Variants in ZNF839 observed in about 807,000 individuals in gnomAD.
The protein encoded by ZNF839 is renal carcinoma antigen NY-REN-50.
Under a neutral mutation model 56.4 loss-of-function variants are expected in ZNF839, and 38 were observed. The observed-to-expected ratio is 0.67, with a 90% CI of 0.52 to 0.88. The LOEUF (loss-of-function observed/expected upper bound fraction) is 0.88, where lower values mean the gene tolerates loss of function less well. Among genes scored for constraint, ZNF839 ranks in the 40% least tolerant of loss-of-function variants. ZNF839 has a pLI of 0.00. For synonymous variants in ZNF839, 486 were observed against 493.5 expected, an observed-to-expected ratio of 0.98 and a Z score of 0.20; for missense variants, 1,091 against 1,177.6, an observed-to-expected ratio of 0.93 and a Z score of 1.08.
In ZNF839 at chr14:102,331,624, T is replaced by G. The variant is rs755471889; in HGVS notation, c.1194T>G (p.Asn398Lys). 6.2e-7 allele frequency: 1 copy of G among 1,609,116 alleles called. No individual in the cohort carries two copies. The highest frequency in any genetic ancestry group is 8.5e-7 in the Non-Finnish European group (1 of 1,177,566). ...TTTGGGTGTGCAACACTGTCTAGAA[T>G]GGTCAGTCTGTAGACGTTGAAGAGA... is the stretch of plus-strand genomic sequence containing the variant. The part of the protein sequence containing the change: ...VTESARGGLQ[N>K]GQSVDVEETL... Residue 398 changes from asparagine (N) to lysine (K), a missense_variant and splice_region_variant, in exon 3 of 8, where the codon AAT (asparagine) becomes AAG (lysine). Physicochemically the swap from Asn to Lys is moderately conservative, Grantham distance 94 (BLOSUM62 0). This residue lies in a region of ZNF839 where 614 missense variants were observed against 629.2 expected (regional missense o/e 0.98). Coordinates refer to ENST00000442396, the MANE Select transcript of ZNF839 (RefSeq NM_018335.6).
rs760557701 is a variant in ZNF839 at position 102,326,790 on chromosome 14, T to G, written c.1094T>G (p.Leu365Arg). Residue 365 changes from leucine to arginine, a missense_variant, in exon 2 of 8, where the codon CTC becomes CGC. Coordinates refer to ENST00000442396, the MANE Select transcript of ZNF839 (RefSeq NM_018335.6). This position sits in a 1 kb window ranked among gnomAD's most constrained non-coding sequence, Gnocchi z 4.3. ...CGGGGGTGCACGGAGGAAAGGACGC[T>G]CAGCCTGACCTCCCTGGGGCTGTCC... ...TLRGCTEERT[L>R]SLTSLGLSMP... 6.2e-7 allele frequency: 1 copy of G among 1,612,354 alleles called. No individual in the cohort carries two copies. Among genetic ancestry groups the G allele is most frequent in the South Asian group, 1.1e-5 (1 of 90,712 alleles).
At chr14:102,331,899 G>A (rs2073804794) in intron 3 of ZNF839, 53 bp downstream of exon 3, 2 of 1,420,226 alleles carry the variant, frequency 1.4e-6, no homozygotes, top group Non-Finnish European at 1.9e-6. Flanking sequence ...GCATGGATGT[G>A]GCAATCACTA....
Position 102,326,822 on chromosome 14 carries a change from G to T in ZNF839, c.1126G>T (p.Ala376Ser), listed in dbSNP as rs770155795. ...GACCTCCCTGGGGCTGTCCATGCCA[G>T]CGGATCCATGTGAGGGAGGGGCCCG... ...SLTSLGLSMP[A>S]DPCEGGARSC... is the part of the protein sequence containing the mutation. Residue 376 changes from alanine (A) to serine (S), a missense_variant, in exon 2 of 8, where the codon GCG becomes TCG. Physicochemically the swap from Ala to Ser is moderately conservative, Grantham distance 99. Coordinates refer to ENST00000442396, the MANE Select transcript of ZNF839 (RefSeq NM_018335.6). The surrounding 1 kb of genome is among the most constrained non-coding windows in gnomAD (Gnocchi z 4.3). 1 of 1,611,376 alleles carries T rather than the reference G, an allele frequency of 6.2e-7. No individual in the cohort carries two copies. The highest frequency in any genetic ancestry group is 1.7e-5 in the Admixed American group (1 of 59,594).
At chr14:102,336,192 CAAAA>C (rs200609836) in intron 5 of ZNF839, among the ~76,000 whole-genome samples, 4 of 123,764 alleles carry the variant, frequency 3.2e-5, no homozygotes, top group African/African-American at 1.2e-4. Context: ...AAAACAAAAC[CAAAA>C]AAAAAAAAAA....
rs1567301360 is a variant in ZNF839, at chr14:102,342,199, T to C, written c.*20T>C. 1.3e-6 allele frequency: 2 copies of C among 1,581,300 alleles called. No homozygotes were observed. Among genetic ancestry groups the C allele is most frequent in the Non-Finnish European group, 1.7e-6 (2 of 1,161,378 alleles). ...CGCTAGAAGGAGTTCCTCTAGAAGCTGTGGAGTCGGTCGTCACCGTGGAGC... is the reference window on the plus strand; with the variant it reads ...CGCTAGAAGGAGTTCCTCTAGAAGCCGTGGAGTCGGTCGTCACCGTGGAGC... On this transcript the variant is annotated 3_prime_UTR_variant, in exon 8 of 8. Transcript: ENST00000442396.
In ZNF839 at chr14:102,326,566, A is replaced by G; in HGVS notation, c.870A>G (p.Glu290=). ...ATTACTCAGAACTCTGTGTGGAAGAAGATGAAGATCAGAGGGAGAGGCACG... is the reference window on the plus strand; with the variant it reads ...ATTACTCAGAACTCTGTGTGGAAGAGGATGAAGATCAGAGGGAGAGGCACG... ...SDDYSELCVE[E]DEDQRERHAL... Residue 290 remains glutamate (E), a synonymous_variant, in exon 2 of 8, where the codon GAA becomes GAG. Transcript: ENST00000442396. This position sits in a 1 kb window ranked among gnomAD's most constrained non-coding sequence, Gnocchi z 4.3. The G allele has an allele frequency of 6.2e-7, 1 of 1,614,012 alleles. No homozygotes were observed. Among genetic ancestry groups the G allele is most frequent in the South Asian group, 1.1e-5 (1 of 91,080 alleles).
chr14:102,324,916 C>T (rs1479561477), intron 1 of ZNF839, among the ~76,000 whole-genome samples: 2 of 152,108 alleles, frequency 1.3e-5, no homozygotes, highest in African/African-American at 4.8e-5. Flanking sequence ...TGTCGCTCCA[C>T]TCCAGCCTGG....
At chr14:102,328,550 A>C (rs1394701995) in intron 2 of ZNF839, among the ~76,000 whole-genome samples, 1 of 150,892 alleles carries the variant, frequency 6.6e-6, no homozygotes, top group African/African-American at 2.4e-5. Flanking sequence ...CATCTCCAGA[A>C]CTCTTTTCAT....
chr14:102,330,671 T>C (rs1212357631), intron 2 of ZNF839, among the ~76,000 whole-genome samples: 1 of 151,420 alleles, frequency 6.6e-6, no homozygotes, highest in Non-Finnish European at 1.5e-5. Flanking sequence ...GTGTGCACCA[T>C]CACACCTGGC....
chr14:102,326,958 A>AC lies in ZNF839; in HGVS notation c.1191+73dup. On this transcript the variant is annotated intron_variant, in intron 2 of 7. Coordinates refer to ENST00000442396, the MANE Select transcript of ZNF839 (RefSeq NM_018335.6). This position sits in a 1 kb window ranked among gnomAD's most constrained non-coding sequence, Gnocchi z 4.3. ...GGATTGCTATAAAGAAATACCTGAG[A>AC]CCAGGTATTTTATAAAGAAAAGAGG... is the stretch of plus-strand genomic sequence containing the variant. 7.2e-7 allele frequency: 1 copy of AC among 1,393,242 alleles called. No homozygotes were observed. The highest frequency in any genetic ancestry group is 9.5e-7 in the Non-Finnish European group (1 of 1,048,072). 86.3% of individuals were successfully genotyped at this position (1,393,242 alleles called of 1,614,324 possible). A position where few individuals can be genotyped will look rare whatever the true frequency, so the allele number is the denominator to read the frequency against.
At chr14:102,338,693 A>T in intron 5 of ZNF839, 123 bp from the exon 6 acceptor site, 1 of 1,357,198 alleles carries the variant, frequency 7.4e-7, no homozygotes, top group Non-Finnish European at 1.0e-6. Context: ...ATGGCATCTC[A>T]CAGTAGGTGA....
At position 102,342,075 on chromosome 14, in the gene ZNF839, T is replaced by A. The variant is rs752272708; in HGVS notation, c.2680T>A (p.Ser894Thr). Residue 894 changes from serine (S) to threonine (T), a missense_variant, in exon 8 of 8, where the codon TCC (serine) becomes ACC (threonine). Physicochemically the swap from Ser to Thr is moderately conservative, Grantham distance 58 (BLOSUM62 1). Coordinates refer to ENST00000442396, the MANE Select transcript of ZNF839 (RefSeq NM_018335.6). ...ACAGAAGCAGATTTTTATTCAGACT[T>A]CCGATGGGCTTATCTTGTCCCCTCC... ...QGQKQIFIQT[S>T]DGLILSPPGT... 1 of 1,613,990 alleles carries A rather than the reference T, an allele frequency of 6.2e-7. No homozygotes were observed. The highest frequency in any genetic ancestry group is 8.5e-7 in the Non-Finnish European group (1 of 1,179,890).
At chr14:102,325,280 A>G (rs1468255782) in intron 1 of ZNF839, among the ~76,000 whole-genome samples, 3 of 150,950 alleles carry the variant, frequency 2.0e-5, no homozygotes, top group Non-Finnish European at 4.4e-5. Flanking sequence ...CAGAGGTTAC[A>G]GTGAACTGAG....
In ZNF839 at chr14:102,331,732, C is replaced by T. The variant is rs765794126; in HGVS notation, c.1302C>T (p.Thr434=). 6.2e-7 allele frequency: 1 copy of T among 1,606,976 alleles called. No individual in the cohort carries two copies. Among genetic ancestry groups the T allele is most frequent in the Admixed American group, 1.7e-5 (1 of 58,750 alleles). The change falls in exon 3 of 8, where the codon ACC becomes ACT. Residue 434 remains threonine, a synonymous_variant. Transcript: ENST00000442396. ...CTAGAAGACGCGCATGCTCAGAGACCCTTGCAGAGTCCCGCACAGCTGTCC... is the reference window on the plus strand; with the variant it reads ...CTAGAAGACGCGCATGCTCAGAGACTCTTGCAGAGTCCCGCACAGCTGTCC... The part of the protein sequence containing the change: ...QGPRRRACSE[T]LAESRTAVLQ...
chr14:102,325,203 A>G (rs1415755829), intron 1 of ZNF839, among the ~76,000 whole-genome samples: 1 of 151,922 alleles, frequency 6.6e-6, no homozygotes, highest in Admixed American at 6.6e-5. Context: ...AAAAAATACA[A>G]AAATTAGCTG....
chr14:102,320,991 C>G (rs960764764), intron 1 of ZNF839, among the ~76,000 whole-genome samples: 1 of 152,232 alleles, frequency 6.6e-6, no homozygotes, highest in Non-Finnish European at 1.5e-5. Context: ...GGAATAGAAT[C>G]AGGAACCTTC....
In ZNF839 at chr14:102,326,626, C is replaced by T; in HGVS notation, c.930C>T (p.Pro310=). Residue 310 remains proline, a synonymous_variant, in exon 2 of 8, where the codon CCC becomes CCT. Coordinates refer to ENST00000442396, the MANE Select transcript of ZNF839 (RefSeq NM_018335.6). This position sits in a 1 kb window ranked among gnomAD's most constrained non-coding sequence, Gnocchi z 4.3. ...LFDLSSCSLR[P]KSFKCQTCEK... ...ACTTATCGAGCTGCTCCCTGAGGCC[C>T]AAAAGCTTTAAGTGTCAGACTTGTG... 1 of 1,613,480 alleles carries T rather than the reference C, an allele frequency of 6.2e-7. No individual in the cohort carries two copies. Among genetic ancestry groups the T allele is most frequent in the Non-Finnish European group, 8.5e-7 (1 of 1,179,716 alleles).
chr14:102,342,341 T>A lies in ZNF839; in HGVS notation c.*162T>A. 3.7e-6 allele frequency: 3 copies of A among 814,604 alleles called. No homozygotes were observed. Among genetic ancestry groups the A allele is most frequent in the Non-Finnish European group, 5.5e-6 (3 of 541,572 alleles). 50.5% of individuals were successfully genotyped at this position (814,604 alleles called of 1,614,324 possible). On this transcript the variant is annotated 3_prime_UTR_variant, in exon 8 of 8. Transcript: ENST00000442396. Reference sequence around the variant, plus strand: ...GTGAATATTGCACAGATGAACCTTTTATTTATAAAGAATAATGTCTTTCTG... The same window carrying A: ...GTGAATATTGCACAGATGAACCTTTAATTTATAAAGAATAATGTCTTTCTG...
At chr14:102,324,572 A>G (rs1382373556) in intron 1 of ZNF839, among the ~76,000 whole-genome samples, 2 of 152,198 alleles carry the variant, frequency 1.3e-5, no homozygotes, top group East Asian at 3.9e-4. Context: ...ATGGTGGCAC[A>G]CACCTGTGAT....
Sources: allele counts gnomAD v4.1 joint callset (sites outside exome capture counted in the v4.1 genomes callset), GRCh38; gene constraint gnomAD v4.1.1; regional missense constraint gnomAD v4.1.1; non-coding constraint Gnocchi (gnomAD v3.1); transcripts MANE v1.5; gene names NCBI Gene and HGNC (gene_info 2026-07-23, HGNC 2026-07-21).